Variants in CLEC16A observed in about 807,000 individuals in gnomAD.
CLEC16A encodes protein CLEC16A.
In CLEC16A, 51 loss-of-function variants were observed where a neutral mutation model predicts 109.5. The ratio of observed to expected loss-of-function variants is 0.47; its 90% confidence interval spans 0.37 to 0.59. The LOEUF (loss-of-function observed/expected upper bound fraction) is 0.59, where lower values mean the gene tolerates loss of function less well. CLEC16A is among the 20% of genes least tolerant of loss of function. CLEC16A has a pLI of 0.00. For missense variants in CLEC16A, 1,339 were observed against 1,394.0 expected (o/e 0.96, Z 0.63); for synonymous variants, 673 against 564.2 (o/e 1.19, Z -2.73).
intron 13 of CLEC16A, among the ~76,000 whole-genome samples, chr16:11,025,257 T>C (rs1180093651): frequency 6.6e-6 from 1 of 152,172 alleles, no homozygotes; most frequent in Non-Finnish European, 1.5e-5. Context: ...TTTCCTAACA[T>C]CAGAACTGAA....
intron 12 of CLEC16A, among the ~76,000 whole-genome samples, chr16:11,021,940 C>G (rs996560195): frequency 3.9e-5 from 6 of 152,116 alleles, no homozygotes; most frequent in African/African-American, 1.4e-4. Context: ...CCATGTATTT[C>G]TCCCGCCACC....
intron 19 of CLEC16A, among the ~76,000 whole-genome samples, chr16:11,115,812 C>T (rs889672877): frequency 3.3e-5 from 5 of 151,868 alleles, no homozygotes; most frequent in African/African-American, 1.2e-4. Context: ...ACTAAAAATT[C>T]ATCATAAGAT....
rs765463086 is a variant in CLEC16A at position 10,944,734 on chromosome 16, G to C, written c.17G>C (p.Arg6Pro). The change falls in exon 1 of 24, where the codon CGG becomes CCG. Residue 6 changes from arginine to proline, a missense_variant. Transcript: ENST00000409790. ...GCCGCCGACATGTTTGGCCGCTCGC[G>C]GAGCTGGGTGGGCGGGGGCCATGGC... MFGRS[R>P]SWVGGGHGKT... is the part of the protein sequence containing the mutation. 1 of 1,608,378 alleles carries C rather than the reference G, an allele frequency of 6.2e-7. No individual in the cohort carries two copies. Among genetic ancestry groups the C allele is most frequent in the Non-Finnish European group, 8.5e-7 (1 of 1,178,322 alleles).
chr16:11,088,328 C>T (rs1202581097), intron 19 of CLEC16A, among the ~76,000 whole-genome samples: 1 of 152,246 alleles, frequency 6.6e-6, no homozygotes, highest in Non-Finnish European at 1.5e-5. Flanking sequence ...ACCAGCTCAT[C>T]CTTGCCAGGT....
At position 11,039,833 on chromosome 16, in the gene CLEC16A, A is replaced by G. The variant is rs2152847933; in HGVS notation, c.1617A>G (p.Leu539=). The G allele has an allele frequency of 3.7e-6, 6 of 1,612,676 alleles. No individual in the cohort carries two copies. Among genetic ancestry groups the G allele is most frequent in the Non-Finnish European group, 5.1e-6 (6 of 1,179,402 alleles). The change falls in exon 14 of 24, where the codon CTA becomes CTG. Residue 539 remains leucine (L), a synonymous_variant. Transcript: ENST00000409790. ...AAEKTTYNHP[L]AERLIRIMNN... ...AGAAGACCACCTACAACCACCCGCTAGCTGAAAGACTCATCAGGATCATGA... is the reference window on the plus strand; with the variant it reads ...AGAAGACCACCTACAACCACCCGCTGGCTGAAAGACTCATCAGGATCATGA...
At position 11,178,201 on chromosome 16, in the gene CLEC16A, G is replaced by A. The variant is rs929431389; in HGVS notation, c.2807-134G>A. ...CCCCAAAAGGAGTGAGTGGAGCCAC[G>A]CTGAGCCCTCACGCCAGCCAGCCAC... On this transcript the variant is annotated intron_variant, in intron 23 of 23. Coordinates refer to ENST00000409790, the MANE Select transcript of CLEC16A (RefSeq NM_015226.3). This position sits in a 1 kb window ranked among gnomAD's most constrained non-coding sequence, Gnocchi z 6.5. 5 of 731,342 alleles carry A rather than the reference G, an allele frequency of 6.8e-6. No homozygotes were observed. The highest frequency in any genetic ancestry group is 2.6e-5 in the East Asian group (1 of 38,716). The allele number at this position is 731,342 out of a possible 1,614,324, so 45.3% of individuals were successfully genotyped here. A position where few individuals can be genotyped will look rare whatever the true frequency, so the allele number is the denominator to read the frequency against.
At chr16:11,078,853 G>C (rs189758788) in intron 19 of CLEC16A, among the ~76,000 whole-genome samples, 11 of 152,156 alleles carry the variant, frequency 7.2e-5, no homozygotes, top group East Asian at 5.8e-4. Context: ...AGCCCGAGAG[G>C]CCTGTGGTAT....
At chr16:11,033,538 G>T (rs558542919) in intron 13 of CLEC16A, among the ~76,000 whole-genome samples, 12 of 152,264 alleles carry the variant, frequency 7.9e-5, no homozygotes, top group Non-Finnish European at 1.8e-4. Context: ...ATTTGGTGGG[G>T]CTTTGCTGGT....
At chr16:11,090,636 CTATTT>C (rs934532049) in intron 19 of CLEC16A, among the ~76,000 whole-genome samples, 1 of 151,930 alleles carries the variant, frequency 6.6e-6, no homozygotes, top group African/African-American at 2.4e-5. Context: ...ATTTTTGTTT[CTATTT>C]TATTTTATTT....
chr16:11,143,730 G>A lies in CLEC16A; in HGVS notation c.2641+17584G>A, dbSNP rs143995300. On this transcript the variant is annotated intron_variant, in intron 22 of 23. Coordinates refer to ENST00000409790, the MANE Select transcript of CLEC16A (RefSeq NM_015226.3). ...TGTGACACCTTCTGCACTTGAAGCT[G>A]TTAAAGGCATCTTCCATTCATGCAT... Among the ~76,000 whole-genome samples, 29 of 152,308 alleles carry A rather than the reference G, an allele frequency of 1.9e-4. No individual in the cohort carries two copies. In the East Asian group the frequency reaches 3.9e-3, roughly 20 times the overall value.
At chr16:11,004,572 C>A (rs980339643) in intron 11 of CLEC16A, among the ~76,000 whole-genome samples, 1 of 152,184 alleles carries the variant, frequency 6.6e-6, no homozygotes, top group African/African-American at 2.4e-5. Context: ...CAGTCCAGGG[C>A]ATCTGAAGCT....
At chr16:11,068,757 G>A (rs1029908291) in intron 19 of CLEC16A, among the ~76,000 whole-genome samples, 1 of 152,166 alleles carries the variant, frequency 6.6e-6, no homozygotes, top group Non-Finnish European at 1.5e-5. Context: ...CTCAGGTTCT[G>A]CATCTGAAGA....
At chr16:10,971,934 C>T (rs1028379308) in intron 5 of CLEC16A, among the ~76,000 whole-genome samples, 1 of 152,196 alleles carries the variant, frequency 6.6e-6, no homozygotes, top group Non-Finnish European at 1.5e-5. Context: ...CTTTGACTTT[C>T]ATGAGCCAAA....
At chr16:11,097,705 A>G (rs2050686032) in intron 19 of CLEC16A, among the ~76,000 whole-genome samples, 1 of 152,116 alleles carries the variant, frequency 6.6e-6, no homozygotes, top group Non-Finnish European at 1.5e-5. Flanking sequence ...TTTTGGCCCC[A>G]TTGGTTTACG....
At chr16:10,945,877 G>A (rs1230166596) in intron 1 of CLEC16A, among the ~76,000 whole-genome samples, 3 of 152,056 alleles carry the variant, frequency 2.0e-5, no homozygotes, top group Admixed American at 2.0e-4. Context: ...CTTATTTTCT[G>A]TCTTCTGTTA....
intron 19 of CLEC16A, among the ~76,000 whole-genome samples, chr16:11,065,277 T>G (rs1241058489): frequency 6.6e-6 from 1 of 152,182 alleles, no homozygotes; most frequent in Non-Finnish European, 1.5e-5. Context: ...CCATTATCCA[T>G]ACACCCCAAA....
chr16:11,135,782 G>A (rs866542922), intron 22 of CLEC16A, among the ~76,000 whole-genome samples: 16 of 152,382 alleles, frequency 1.0e-4, no homozygotes, highest in Middle Eastern at 6.8e-3. Context: ...GGGCAGCCAT[G>A]CCGGCAGCAC....
rs1435435226 is a variant in CLEC16A, at chr16:11,181,677, G to A, written c.*2987G>A. On this transcript the variant is annotated 3_prime_UTR_variant, in exon 24 of 24. Transcript: ENST00000409790. ...ACCATCGCGTGGGATTGGGAGGAGG[G>A]GCCTCCGTGAGCAGCCCCTCCTCTG... 1 of 152,274 alleles carries A rather than the reference G, an allele frequency of 6.6e-6. No homozygotes were observed. The highest frequency in any genetic ancestry group is 1.5e-5 in the Non-Finnish European group (1 of 68,056). The allele number at this position is 152,274 out of a possible 1,614,324, so 9.4% of individuals were successfully genotyped here. A position where few individuals can be genotyped will look rare whatever the true frequency, so the allele number is the denominator to read the frequency against.
intron 11 of CLEC16A, among the ~76,000 whole-genome samples, chr16:11,019,642 G>A (rs542261900): frequency 1.3e-5 from 2 of 152,194 alleles, no homozygotes; most frequent in Admixed American, 6.5e-5. Context: ...GGTGGCAAGC[G>A]CCTGTAATCC....
Sources: allele counts gnomAD v4.1 joint callset (sites outside exome capture counted in the v4.1 genomes callset), GRCh38; gene constraint gnomAD v4.1.1; non-coding constraint Gnocchi (gnomAD v3.1); transcripts MANE v1.5; gene names NCBI Gene and HGNC (gene_info 2026-07-23, HGNC 2026-07-21).